DTNB: variants seen among roughly 807,000 people sequenced by gnomAD.
DTNB encodes the protein dystrobrevin beta.
In DTNB, 63 loss-of-function variants were observed where a neutral mutation model predicts 90.7. The observed-to-expected ratio is 0.69, with a 90% CI of 0.57 to 0.86. The LOEUF (loss-of-function observed/expected upper bound fraction) is 0.86, where lower values mean the gene tolerates loss of function less well. Among genes scored for constraint, DTNB ranks in the 40% least tolerant of loss-of-function variants. The pLI is 0.00. For missense variants in DTNB, 744 were observed against 807.1 expected, an observed-to-expected ratio of 0.92 and a Z score of 0.95; for synonymous variants, 277 against 286.7, an observed-to-expected ratio of 0.97 and a Z score of 0.34.
At chr2:25,657,196 G>T (rs1290989226) in intron 1 of DTNB, among the ~76,000 whole-genome samples, 1 of 151,756 alleles carries the variant, frequency 6.6e-6, no homozygotes, top group African/African-American at 2.4e-5. Flanking sequence ...AAATGAAAGG[G>T]TTGAAACTGA....
chr2:25,378,792 G>A (rs887809000), intron 20 of DTNB, among the ~76,000 whole-genome samples: 1 of 152,198 alleles, frequency 6.6e-6, no homozygotes, highest in Non-Finnish European at 1.5e-5. Context: ...ATGGGAAGCG[G>A]CTTGGTCAGC....
At chr2:25,511,682 A>T (rs555877661) in intron 9 of DTNB, among the ~76,000 whole-genome samples, 2 of 152,324 alleles carry the variant, frequency 1.3e-5, no homozygotes, top group South Asian at 4.1e-4. Context: ...ATACAGTATC[A>T]GTTTTAGATT....
At chr2:25,589,150 T>C (rs1009364669) in intron 6 of DTNB, among the ~76,000 whole-genome samples, 1 of 152,110 alleles carries the variant, frequency 6.6e-6, no homozygotes, top group Non-Finnish European at 1.5e-5. Context: ...GCATGAAATA[T>C]TGTTGTTATT....
At chr2:25,389,268 T>C (rs2040419560) in intron 16 of DTNB, among the ~76,000 whole-genome samples, 1 of 152,252 alleles carries the variant, frequency 6.6e-6, no homozygotes, top group Non-Finnish European at 1.5e-5. Context: ...AGGGTGGCAG[T>C]GTGCACTCTG....
rs77914923 is a variant in DTNB at position 25,636,147 on chromosome 2, G to T, written c.148+2867C>A. The stretch of plus-strand genomic sequence containing the variant: ...TGAAGGAACAACTGAAAATACATAT[G>T]GAAAAACTTGTACAGATTCATGAAT... On this transcript the variant is annotated intron_variant, in intron 3 of 20. Transcript: ENST00000406818. 7.0e-3 allele frequency among the ~76,000 whole-genome samples: 1,062 copies of T among 152,136 alleles called. 15 individuals are homozygous for T. Among genetic ancestry groups the T allele is most frequent in the African/African-American group, 0.024 (1,016 of 41,488 alleles).
chr2:25,404,101 A>G (rs1223449918), intron 16 of DTNB, among the ~76,000 whole-genome samples: 1 of 152,216 alleles, frequency 6.6e-6, no homozygotes, highest in Non-Finnish European at 1.5e-5. Context: ...TTGGCTCCAT[A>G]GAGTGACACC....
chr2:25,655,040 C>A (rs1164862778), intron 1 of DTNB, among the ~76,000 whole-genome samples: 1 of 152,238 alleles, frequency 6.6e-6, no homozygotes, highest in Non-Finnish European at 1.5e-5. Context: ...GTGCAGCAGA[C>A]CCTGCCTTCA....
intron 9 of DTNB, among the ~76,000 whole-genome samples, chr2:25,487,349 C>T (rs2066409896): frequency 6.6e-6 from 1 of 152,172 alleles, no homozygotes; most frequent in Non-Finnish European, 1.5e-5. Context: ...CTGAGTAATA[C>T]ACTGAATCCT....
chr2:25,461,202 C>G (rs1005001848), intron 10 of DTNB, among the ~76,000 whole-genome samples: 2 of 152,152 alleles, frequency 1.3e-5, no homozygotes, highest in Non-Finnish European at 2.9e-5. Flanking sequence ...CCAGGCCTGG[C>G]CTATAGGAAG....
At chr2:25,658,420 G>T (rs1181626719) in intron 1 of DTNB, among the ~76,000 whole-genome samples, 2 of 152,154 alleles carry the variant, frequency 1.3e-5, no homozygotes, top group Admixed American at 6.6e-5. Flanking sequence ...GCACTGCTAG[G>T]TGTTTGCTCA....
chr2:25,548,498 A>C (rs1306709507), intron 8 of DTNB, among the ~76,000 whole-genome samples: 1 of 151,612 alleles, frequency 6.6e-6, no homozygotes, highest in Non-Finnish European at 1.5e-5. Flanking sequence ...GAAGGAGGTG[A>C]GGGAGGGAAG....
chr2:25,605,790 G>A (rs2066976267), intron 5 of DTNB, among the ~76,000 whole-genome samples: 2 of 152,146 alleles, frequency 1.3e-5, no homozygotes, highest in Non-Finnish European at 2.9e-5. Flanking sequence ...CTTTGTGTTT[G>A]ATGAAATATA....
intron 10 of DTNB, among the ~76,000 whole-genome samples, chr2:25,476,551 T>G (rs546904894): frequency 1.3e-5 from 2 of 152,210 alleles, no homozygotes; most frequent in Non-Finnish European, 2.9e-5. Context: ...AAAACAAACA[T>G]TAATGGGAGT....
chr2:25,575,434 A>G (rs1472032834), intron 8 of DTNB, among the ~76,000 whole-genome samples: 1 of 152,140 alleles, frequency 6.6e-6, no homozygotes, highest in Non-Finnish European at 1.5e-5. Context: ...ACCACCAAAA[A>G]AAATGGAATT....
intron 3 of DTNB, among the ~76,000 whole-genome samples, chr2:25,634,401 G>A (rs575001431): frequency 0.02 from 2,671 of 132,152 alleles, 135 homozygotes; most frequent in African/African-American, 0.045. Context: ...CAGCCCCCCC[G>A]CCCGGCCACC....
chr2:25,489,936 T>C (rs2067008905), intron 9 of DTNB, among the ~76,000 whole-genome samples: 1 of 151,894 alleles, frequency 6.6e-6, no homozygotes, highest in African/African-American at 2.4e-5. Context: ...AAAGTAAAAA[T>C]ACATGTTTAA....
chr2:25,423,642 AC>A (rs1485682276), intron 15 of DTNB, among the ~76,000 whole-genome samples: 2 of 151,394 alleles, frequency 1.3e-5, no homozygotes, highest in Non-Finnish European at 2.9e-5. Flanking sequence ...AAAGCAGACA[AC>A]CCCTTTTAAA....
intron 3 of DTNB, among the ~76,000 whole-genome samples, chr2:25,638,006 A>G (rs2077458696): frequency 6.6e-6 from 1 of 152,244 alleles, no homozygotes; most frequent in South Asian, 2.1e-4. Flanking sequence ...TGGCACATAT[A>G]CACCATGGAA....
chr2:25,667,891 G>T (rs998854737), intron 1 of DTNB, among the ~76,000 whole-genome samples: 2 of 152,134 alleles, frequency 1.3e-5, no homozygotes, highest in Non-Finnish European at 2.9e-5. Flanking sequence ...GTAGGTGAAC[G>T]AATAAACAAA....
Sources: allele counts gnomAD v4.1 joint callset (sites outside exome capture counted in the v4.1 genomes callset), GRCh38; gene constraint gnomAD v4.1.1; transcripts MANE v1.5; gene names NCBI Gene and HGNC (gene_info 2026-07-23, HGNC 2026-07-21).